Variants in MAML3 observed in about 807,000 individuals in gnomAD.
The protein encoded by MAML3 is mastermind-like protein 3.
Under a neutral mutation model 101.9 loss-of-function variants are expected in MAML3, and 27 were observed. The ratio of observed to expected loss-of-function variants is 0.27; its 90% CI spans 0.20 to 0.37. The LOEUF is 0.37. Among genes scored for constraint, MAML3 ranks in the 10% least tolerant of loss-of-function variants. The probability of loss-of-function intolerance (pLI) is 1.00; values close to 1 mark genes in which losing one functional copy is unlikely to be tolerated. For synonymous variants in MAML3, 501 were observed against 555.9 expected, an observed-to-expected ratio of 0.90 and a Z score of 1.39; for missense variants, 1,316 against 1,444.9, an observed-to-expected ratio of 0.91 and a Z score of 1.45.
intron 1 of MAML3, among the ~76,000 whole-genome samples, chr4:140,026,770 A>T (rs1319378612): frequency 1.3e-5 from 2 of 152,162 alleles, no homozygotes; most frequent in African/African-American, 4.8e-5. Context: ...ACCTAACATT[A>T]AAATATGGGC....
At chr4:139,749,563 C>T (rs1032202988) in intron 2 of MAML3, among the ~76,000 whole-genome samples, 2 of 152,198 alleles carry the variant, frequency 1.3e-5, no homozygotes, top group South Asian at 2.1e-4. Context: ...GGGTGGGGGG[C>T]GCCGATCAGA....
intron 2 of MAML3, among the ~76,000 whole-genome samples, chr4:139,819,021 G>A (rs1163909323): frequency 6.6e-6 from 1 of 152,084 alleles, no homozygotes; most frequent in Non-Finnish European, 1.5e-5. Context: ...AGAGGCGCAC[G>A]CAAATGAATA....
At chr4:139,761,961 G>A (rs78197667) in intron 2 of MAML3, among the ~76,000 whole-genome samples, 2,127 of 152,198 alleles carry the variant, frequency 0.014, 42 homozygotes, top group East Asian at 0.088. Flanking sequence ...CTATATTGCT[G>A]GATTGTGAAG....
chr4:139,947,757 A>G (rs957239171), intron 1 of MAML3, among the ~76,000 whole-genome samples: 116 of 152,276 alleles, frequency 7.6e-4, no homozygotes, highest in African/African-American at 2.8e-3. Context: ...AAATCAAAAC[A>G]AAACAAAACA....
At chr4:139,768,225 TG>T (rs1729904149) in intron 2 of MAML3, among the ~76,000 whole-genome samples, 1 of 90,904 alleles carries the variant, frequency 1.1e-5, no homozygotes, top group South Asian at 3.1e-4. Context: ...TTGATAGTTG[TG>T]TGTGTGTGTG....
chr4:139,798,430 C>A (rs550109668), intron 2 of MAML3, among the ~76,000 whole-genome samples: 6 of 152,152 alleles, frequency 3.9e-5, no homozygotes, highest in African/African-American at 1.2e-4. Flanking sequence ...CTAAACTCTG[C>A]AAAAAGTTCA....
intron 1 of MAML3, among the ~76,000 whole-genome samples, chr4:140,092,007 ATC>A (rs1728060470): frequency 1.3e-5 from 2 of 150,936 alleles, no homozygotes; most frequent in Non-Finnish European, 2.9e-5. Context: ...GTGGGGTATC[ATC>A]TCTGTTGTCC....
At chr4:139,820,655 T>C (rs1730957789) in intron 2 of MAML3, among the ~76,000 whole-genome samples, 1 of 152,214 alleles carries the variant, frequency 6.6e-6, no homozygotes, top group Admixed American at 6.5e-5. Context: ...TTATATTCTA[T>C]CTTTTTCACT....
At chr4:139,936,294 C>T (rs1733503947) in intron 1 of MAML3, among the ~76,000 whole-genome samples, 1 of 152,094 alleles carries the variant, frequency 6.6e-6, no homozygotes, top group East Asian at 1.9e-4. Context: ...ATTCATCAGT[C>T]GATGGATACT....
intron 1 of MAML3, among the ~76,000 whole-genome samples, chr4:139,905,317 C>T (rs1018174436): frequency 3.3e-5 from 5 of 151,944 alleles, no homozygotes; most frequent in Admixed American, 6.6e-5. Context: ...ACGGTGAAAC[C>T]TGTCTCTACT....
chr4:140,009,694 C>A (rs1470665799), intron 1 of MAML3, among the ~76,000 whole-genome samples: 2 of 152,136 alleles, frequency 1.3e-5, no homozygotes, highest in East Asian at 3.8e-4. Flanking sequence ...ATAAAGAGTA[C>A]CTGCTGTGCA....
intron 2 of MAML3, among the ~76,000 whole-genome samples, chr4:139,780,356 T>A (rs1020928440): frequency 1.3e-5 from 2 of 152,150 alleles, no homozygotes; most frequent in Non-Finnish European, 1.5e-5. Context: ...ATTTGAGAAT[T>A]CTCTGGGTGC....
intron 1 of MAML3, among the ~76,000 whole-genome samples, chr4:140,136,484 G>A (rs1728884631): frequency 6.6e-6 from 1 of 152,162 alleles, no homozygotes; most frequent in Non-Finnish European, 1.5e-5. Context: ...TATCTCAGAT[G>A]ACATGAATCT....
Position 139,890,482 on chromosome 4 carries a change from G to GTT in MAML3, c.952_953dup (p.Asn318LysfsTer41), listed in dbSNP as rs1460678354. 6.2e-7 allele frequency: 1 copy of GTT among 1,613,880 alleles called. No individual in the cohort carries two copies. Among genetic ancestry groups the GTT allele is most frequent in the Non-Finnish European group, 8.5e-7 (1 of 1,179,872 alleles). The stretch of plus-strand genomic sequence containing the variant: ...CCTGTATGTCATCCTCAGGAACCGT[G>GTT]TTGGCCAATTCATCTATTAATTCTT... On this transcript the variant is annotated frameshift_variant, in exon 2 of 5. Coordinates refer to ENST00000509479, the MANE Select transcript of MAML3 (RefSeq NM_018717.5). LOFTEE classifies it high-confidence loss of function. This position sits in a 1 kb window ranked among gnomAD's most constrained non-coding sequence, Gnocchi z 4.1.
intron 2 of MAML3, among the ~76,000 whole-genome samples, chr4:139,826,775 G>A (rs548577803): frequency 4.3e-4 from 66 of 152,072 alleles, no homozygotes; most frequent in Non-Finnish European, 8.5e-4. Flanking sequence ...CCACAAATGT[G>A]GTTTGTTGCT....
intron 2 of MAML3, among the ~76,000 whole-genome samples, chr4:139,793,380 AT>A (rs369657113): frequency 1.3e-3 from 191 of 152,238 alleles, no homozygotes; most frequent in African/African-American, 4.4e-3. Context: ...AGAAATCTCC[AT>A]TGACTTTGTG....
intron 1 of MAML3, among the ~76,000 whole-genome samples, chr4:139,994,028 G>A (rs931047830): frequency 1.3e-5 from 2 of 152,140 alleles, no homozygotes; most frequent in South Asian, 4.1e-4. Context: ...TGTGTTTCAT[G>A]TGACATGGGG....
At chr4:139,846,635 A>AC (rs1731455715) in intron 2 of MAML3, among the ~76,000 whole-genome samples, 1 of 152,224 alleles carries the variant, frequency 6.6e-6, no homozygotes, top group South Asian at 2.1e-4. Flanking sequence ...GACGTGAGCC[A>AC]CCATGCCCAG....
intron 1 of MAML3, among the ~76,000 whole-genome samples, chr4:139,975,573 C>G (rs1560854470): frequency 6.6e-6 from 1 of 152,166 alleles, no homozygotes; most frequent in Non-Finnish European, 1.5e-5. Context: ...ATCCACTGCC[C>G]TCCTCCCTTA....
Sources: allele counts gnomAD v4.1 joint callset (sites outside exome capture counted in the v4.1 genomes callset), GRCh38; gene constraint gnomAD v4.1.1; non-coding constraint Gnocchi (gnomAD v3.1); transcripts MANE v1.5; gene names NCBI Gene and HGNC (gene_info 2026-07-23, HGNC 2026-07-21).